GPD2: variants seen among roughly 807,000 people sequenced by gnomAD.
The protein encoded by GPD2 is glycerol-3-phosphate dehydrogenase, mitochondrial.
A neutral mutation model predicts 82.4 loss-of-function variants in GPD2; 54 were observed. The observed-to-expected ratio is 0.66, with a 90% CI of 0.53 to 0.82. The LOEUF (loss-of-function observed/expected upper bound fraction) is 0.82, where lower values mean the gene tolerates loss of function less well. Among genes scored for constraint, GPD2 ranks in the 40% least tolerant of loss-of-function variants. GPD2 has a pLI of 0.00. For synonymous variants in GPD2, 288 were observed against 306.1 expected (o/e 0.94, Z 0.62); for missense variants, 748 against 896.2 (o/e 0.83, Z 2.11).
the GPD2 span, among the ~76,000 whole-genome samples, chr2:156,413,637 G>T: frequency 2.6e-5 from 4 of 151,980 alleles, no homozygotes; most frequent in African/African-American, 7.2e-5. Context: ...TGGCCCAGTG[G>T]CTCACACCTG....
chr2:156,450,519 G>A (rs1163971612), intron 1 of GPD2, among the ~76,000 whole-genome samples: 2 of 151,988 alleles, frequency 1.3e-5, no homozygotes, highest in African/African-American at 2.4e-5. Context: ...AAAAAGAGAC[G>A]GTTCTACTAT....
chr2:156,514,129 C>CTT (rs5835618), intron 6 of GPD2, among the ~76,000 whole-genome samples: 8 of 141,720 alleles, frequency 5.6e-5, no homozygotes, highest in African/African-American at 1.3e-4. Flanking sequence ...AATGTTCATT[C>CTT]TTTTTTTTTT....
At chr2:156,550,188 G>A (rs112258431) in intron 7 of GPD2, among the ~76,000 whole-genome samples, 7 of 152,286 alleles carry the variant, frequency 4.6e-5, no homozygotes, top group African/African-American at 9.6e-5. Context: ...TGGCTCTAGC[G>A]CCATATAAGT....
At chr2:156,413,839 G>A in the GPD2 span, among the ~76,000 whole-genome samples, 3 of 152,226 alleles carry the variant, frequency 2.0e-5, no homozygotes. Flanking sequence ...AGGAAGCGGA[G>A]GTTGTGGTGA....
the GPD2 span, among the ~76,000 whole-genome samples, chr2:156,402,919 C>T: frequency 7.9e-5 from 12 of 151,530 alleles, no homozygotes; most frequent in African/African-American, 2.2e-4. Flanking sequence ...TTATTTTGAA[C>T]GTGTAACCTA....
chr2:156,522,125 G>C (rs1685431762), intron 6 of GPD2, among the ~76,000 whole-genome samples: 1 of 152,008 alleles, frequency 6.6e-6, no homozygotes. Flanking sequence ...TGTCCACCCA[G>C]GCTAACATCC....
chr2:156,447,968 A>T (rs1384800605), intron 1 of GPD2, among the ~76,000 whole-genome samples: 1 of 152,196 alleles, frequency 6.6e-6, no homozygotes, highest in Admixed American at 6.5e-5. Context: ...CATGTCCCAC[A>T]GTTGAGTCAG....
At chr2:156,453,351 T>G (rs1373291083) in intron 1 of GPD2, among the ~76,000 whole-genome samples, 1 of 152,062 alleles carries the variant, frequency 6.6e-6, no homozygotes. Flanking sequence ...AAGCAAATAG[T>G]AGGGTCAATG....
chr2:156,496,302 C>A, intron 3 of GPD2, 87 bp downstream of exon 3: 1 of 899,576 alleles, frequency 1.1e-6, no homozygotes, highest in South Asian at 1.4e-5. Context: ...AAGTGTGTGC[C>A]ATGGTGGTTT....
At chr2:156,578,822 TAAA>T in intron 13 of GPD2, 64 bp from the exon 14 acceptor site, 1 of 924,970 alleles carries the variant, frequency 1.1e-6, no homozygotes, top group Non-Finnish European at 1.8e-6. Flanking sequence ...AGATCAACAG[TAAA>T]AAAAGGAGGA....
chr2:156,462,250 CTG>C (rs1683012498), intron 1 of GPD2, among the ~76,000 whole-genome samples: 1 of 152,002 alleles, frequency 6.6e-6, no homozygotes, highest in African/African-American at 2.4e-5. Context: ...GGCCTGGACT[CTG>C]TGCATGTACC....
intron 9 of GPD2, 91 bp from the exon 10 acceptor site, chr2:156,568,734 C>T: frequency 1.8e-6 from 2 of 1,125,372 alleles, no homozygotes; most frequent in Non-Finnish European, 2.7e-6. Flanking sequence ...ATGTGTATTC[C>T]TGTCACCGAA....
At chr2:156,401,235 T>A in the GPD2 span, among the ~76,000 whole-genome samples, 1 of 152,232 alleles carries the variant, frequency 6.6e-6, no homozygotes, top group Non-Finnish European at 1.5e-5. Context: ...AAATGTGCTT[T>A]TCTATTGCTT....
chr2:156,547,203 A>G (rs1363428744), intron 6 of GPD2, among the ~76,000 whole-genome samples: 1 of 152,320 alleles, frequency 6.6e-6, no homozygotes, highest in African/African-American at 2.4e-5. Context: ...TGATTCTAGT[A>G]TCATAAAGAC....
chr2:156,579,665 T>G (rs973581503), intron 15 of GPD2, 25 bp from the exon 16 acceptor site: 15 of 1,067,674 alleles, frequency 1.4e-5, no homozygotes, highest in Non-Finnish European at 2.1e-5. Flanking sequence ...CAAACTGTAT[T>G]ATTCTATGCT....
chr2:156,412,875 T>A, the GPD2 span, among the ~76,000 whole-genome samples: 2 of 152,130 alleles, frequency 1.3e-5, no homozygotes, highest in Non-Finnish European at 2.9e-5. Flanking sequence ...GACAGGTGGA[T>A]CAATTAAACT....
intron 1 of GPD2, among the ~76,000 whole-genome samples, chr2:156,450,687 C>CTTTTA (rs1382838048): frequency 2.3e-4 from 21 of 90,984 alleles, no homozygotes; most frequent in Non-Finnish European, 3.7e-4. Flanking sequence ...TTTTTTATTG[C>CTTTTA]TCATTCTTGG....
chr2:156,579,796 G>A lies in GPD2; in HGVS notation c.2058+8G>A, dbSNP rs777302196. 1 of 1,287,026 alleles carries A rather than the reference G, an allele frequency of 7.8e-7. No homozygotes were observed. Among genetic ancestry groups the A allele is most frequent in the Non-Finnish European group, 1.1e-6 (1 of 880,998 alleles). 79.7% of individuals were successfully genotyped at this position (1,287,026 alleles called of 1,614,324 possible). On this transcript the variant is annotated splice_region_variant and intron_variant, in intron 16 of 16. Transcript: ENST00000438166. ...CTCAATGAATTTTTGCAGGTGAGTT[G>A]TGGTGAAAGGAAACAAGGATATTTG...
intron 2 of GPD2, among the ~76,000 whole-genome samples, chr2:156,489,809 CCCTCTT>C (rs1296499489): frequency 8.1e-3 from 4 of 494 alleles, no homozygotes; most frequent in Non-Finnish European, 0.012. Context: ...TTCCTCCCCT[CCCTCTT>C]CCCTCTTTCC....
Sources: allele counts gnomAD v4.1 joint callset (sites outside exome capture counted in the v4.1 genomes callset), GRCh38; gene constraint gnomAD v4.1.1; transcripts MANE v1.5; gene names NCBI Gene and HGNC (gene_info 2026-07-23, HGNC 2026-07-21).